Variants in MOCS3 observed in about 807,000 individuals in gnomAD.
MOCS3 encodes the protein molybdenum cofactor synthesis 3, also known as adenylyltransferase and sulfurtransferase MOCS3.
Under a neutral mutation model 8.4 loss-of-function variants are expected in MOCS3, and 9 were observed. The ratio of observed to expected loss-of-function variants is 1.07; its 90% CI spans 0.65 to 1.87. The LOEUF is 1.87. Among genes scored for constraint, MOCS3 ranks in the 40% most tolerant of loss-of-function variants. MOCS3 has a pLI of 0.00. For synonymous variants in MOCS3, 294 were observed against 272.0 expected, an observed-to-expected ratio of 1.08 and a Z score of -0.80; for missense variants, 581 against 599.7, an observed-to-expected ratio of 0.97 and a Z score of 0.33.
In MOCS3 at chr20:50,958,891, C is replaced by G; in HGVS notation, c.49C>G (p.Arg17Gly). ...VLALQAEVAQ[R>G]EEELNSLKQK... ...CGCCTTACAAGCTGAAGTTGCCCAA[C>G]GTGAGGAGGAATTGAATTCGCTGAA... The change falls in exon 1 of 1, where the codon CGT becomes GGT. Residue 17 changes from arginine (R) to glycine (G), a missense_variant. By Grantham distance (125) the Arg-to-Gly change is moderately radical. Coordinates refer to ENST00000244051, the MANE Select transcript of MOCS3 (RefSeq NM_014484.5). 6.2e-7 allele frequency: 1 copy of G among 1,603,502 alleles called. No individual in the cohort carries two copies. The highest frequency in any genetic ancestry group is 8.5e-7 in the Non-Finnish European group (1 of 1,172,010).
chr20:50,962,749 C>G lies in MOCS3; in HGVS notation c.*2524C>G, dbSNP rs1021070543. On this transcript the variant is annotated 3_prime_UTR_variant, in exon 1 of 1. Coordinates refer to ENST00000244051, the MANE Select transcript of MOCS3 (RefSeq NM_014484.5). ...ATTTTTAGTAGCGATGGGGTTTCGCCATGTTGGCCTGGCTGGTCTTGAACT... is the reference window on the plus strand; with the variant it reads ...ATTTTTAGTAGCGATGGGGTTTCGCGATGTTGGCCTGGCTGGTCTTGAACT... The G allele has an allele frequency of 1.3e-5, 2 of 152,192 alleles. No homozygotes were observed. Among genetic ancestry groups the G allele is most frequent in the African/African-American group, 4.8e-5 (2 of 41,410 alleles). 9.4% of individuals were successfully genotyped at this position (152,192 alleles called of 1,614,324 possible).
At position 50,960,433 on chromosome 20, in the gene MOCS3, AT is replaced by A. The variant is rs1002858716; in HGVS notation, c.*218del. ...GATTATACCGTTTCTGAGAACCATCATTTTTTTTTTCAGCACACGGAGGATG... is the reference window on the plus strand; with the variant it reads ...GATTATACCGTTTCTGAGAACCATCATTTTTTTTTCAGCACACGGAGGATG... On this transcript the variant is annotated 3_prime_UTR_variant, in exon 1 of 1. Transcript: ENST00000244051. 734 of 452,372 alleles carry A rather than the reference AT, an allele frequency of 1.6e-3. No individual in the cohort carries two copies. Among genetic ancestry groups the A allele is most frequent in the Middle Eastern group, 4.2e-3 (7 of 1,656 alleles). 28.0% of individuals were successfully genotyped at this position (452,372 alleles called of 1,614,324 possible). A position where few individuals can be genotyped will look rare whatever the true frequency, so the allele number is the denominator to read the frequency against.
rs758083134 is a variant in MOCS3, at chr20:50,958,856, A to G, written c.14A>G (p.Glu5Gly). ...GAAGAGGTCGCCATGGCTTCCCGGG[A>G]GGAGGTACTCGCCTTACAAGCTGAA... MASR[E>G]EVLALQAEVA... The change falls in exon 1 of 1, where the codon GAG becomes GGG. Residue 5 changes from glutamate (E) to glycine (G), a missense_variant. Glu to Gly is a moderately conservative substitution (Grantham distance 98). Transcript: ENST00000244051. The G allele has an allele frequency of 3.8e-6, 6 of 1,590,592 alleles. No individual in the cohort carries two copies. Among genetic ancestry groups the G allele is most frequent in the Admixed American group, 3.4e-5 (2 of 58,384 alleles).
chr20:50,959,996 G>T lies in MOCS3; in HGVS notation c.1154G>T (p.Ser385Ile), dbSNP rs1408147009. ...CATTTGGAACGCAGGGATGCGGAGA[G>T]CCTGAAACTCTTAAAAGAAGCAATC... ...LKHLERRDAE[S>I]LKLLKEAIWE... Residue 385 changes from serine to isoleucine, a missense_variant, in exon 1 of 1, where the codon AGC becomes ATC. Physicochemically the swap from Ser to Ile is moderately radical, Grantham distance 142. Coordinates refer to ENST00000244051, the MANE Select transcript of MOCS3 (RefSeq NM_014484.5). 6.2e-7 allele frequency: 1 copy of T among 1,614,278 alleles called. No homozygotes were observed. Among genetic ancestry groups the T allele is most frequent in the South Asian group, 1.1e-5 (1 of 91,086 alleles).
Position 50,961,755 on chromosome 20 carries a change from C to T in MOCS3, c.*1530C>T, listed in dbSNP as rs879340408. 6.6e-6 allele frequency: 1 copy of T among 152,132 alleles called. No individual in the cohort carries two copies. The highest frequency in any genetic ancestry group is 1.5e-5 in the Non-Finnish European group (1 of 68,026). The allele number at this position is 152,132 out of a possible 1,614,324, so 9.4% of individuals were successfully genotyped here. ...GTAACTAATTCTTTGAACAGGTATA[C>T]TTAAAGTATGGTATACCCTTCTGTT... On this transcript the variant is annotated 3_prime_UTR_variant, in exon 1 of 1. Transcript: ENST00000244051.
chr20:50,959,648 CCT>C lies in MOCS3; in HGVS notation c.809_810del (p.Ser270LeufsTer9), dbSNP rs754036949. ...CTGAAAATCGCTGCGGGTCTGGGCC[CCT>C]CTTACAGTGGCAGCTTGTTGCTCTT... On this transcript the variant is annotated frameshift_variant, in exon 1 of 1. Transcript: ENST00000244051. LOFTEE classifies it low-confidence loss of function (END_TRUNC). The C allele has an allele frequency of 1.1e-5, 17 of 1,614,234 alleles. No individual in the cohort carries two copies. Among genetic ancestry groups the C allele is most frequent in the Non-Finnish European group, 1.4e-5 (17 of 1,180,040 alleles).
chr20:50,959,720 G>T lies in MOCS3; in HGVS notation c.878G>T (p.Arg293Leu), dbSNP rs1218235947. ...GHFRSIRLRS[R>L]RLDCAACGER... is the part of the protein sequence containing the mutation. ...TTCCGCTCTATTCGGCTGCGGAGCCGCAGGCTCGACTGTGCAGCTTGCGGG... is the reference window on the plus strand; with the variant it reads ...TTCCGCTCTATTCGGCTGCGGAGCCTCAGGCTCGACTGTGCAGCTTGCGGG... The change falls in exon 1 of 1, where the codon CGC becomes CTC. Residue 293 changes from arginine to leucine, a missense_variant. Coordinates refer to ENST00000244051, the MANE Select transcript of MOCS3 (RefSeq NM_014484.5). The T allele has an allele frequency of 5.6e-6, 9 of 1,614,226 alleles. No homozygotes were observed. Among genetic ancestry groups the T allele is most frequent in the Non-Finnish European group, 7.6e-6 (9 of 1,180,038 alleles).
rs1415010040 is a variant in MOCS3 at position 50,960,481 on chromosome 20, C to G, written c.*256C>G. 2.7e-6 allele frequency: 1 copy of G among 371,198 alleles called. No individual in the cohort carries two copies. The highest frequency in any genetic ancestry group is 7.6e-5 in the South Asian group (1 of 13,238). 23.0% of individuals were successfully genotyped at this position (371,198 alleles called of 1,614,324 possible). ...GATGTCTTGGACATGTGAGATGTAA[C>G]GTGACAGGATTTTGCATTTTAAACT... is the stretch of plus-strand genomic sequence containing the variant. On this transcript the variant is annotated 3_prime_UTR_variant, in exon 1 of 1. Transcript: ENST00000244051.
At position 50,959,466 on chromosome 20, in the gene MOCS3, C is replaced by G. The variant is rs2123159676; in HGVS notation, c.624C>G (p.Phe208Leu). The G allele has an allele frequency of 6.2e-7, 1 of 1,614,054 alleles. No individual in the cohort carries two copies. The highest frequency in any genetic ancestry group is 2.2e-5 in the East Asian group (1 of 44,884). ...TCGTGTCTGCCAGTGCCTTGCGCTT[C>G]GAGGGCCAAATCACAGTCTACCATT... ...RPLVSASALR[F>L]EGQITVYHYD... The change falls in exon 1 of 1, where the codon TTC (phenylalanine) becomes TTG (leucine). Residue 208 changes from phenylalanine to leucine, a missense_variant. Coordinates refer to ENST00000244051, the MANE Select transcript of MOCS3 (RefSeq NM_014484.5).
chr20:50,959,870 G>T lies in MOCS3; in HGVS notation c.1028G>T (p.Arg343Leu). 1 of 1,614,166 alleles carries T rather than the reference G, an allele frequency of 6.2e-7. No homozygotes were observed. Among genetic ancestry groups the T allele is most frequent in the Non-Finnish European group, 8.5e-7 (1 of 1,179,998 alleles). Residue 343 changes from arginine (R) to leucine (L), a missense_variant, in exon 1 of 1, where the codon CGA (arginine) becomes CTA (leucine). Coordinates refer to ENST00000244051, the MANE Select transcript of MOCS3 (RefSeq NM_014484.5). ...CGTGTTTCTGTCACCGACTATAAGC[G>T]ACTGCTGGATTCTGGGGCATTCCAC... ...EERVSVTDYK[R>L]LLDSGAFHLL...
chr20:50,959,635 G>A lies in MOCS3; in HGVS notation c.793G>A (p.Ala265Thr), dbSNP rs1464609463. 6.2e-6 allele frequency: 10 copies of A among 1,614,082 alleles called. No homozygotes were observed. Among genetic ancestry groups the A allele is most frequent in the Non-Finnish European group, 8.5e-6 (10 of 1,180,042 alleles). ...LQALEVLKIA[A>T]GLGPSYSGSL... is the part of the protein sequence containing the mutation. ...GGCCTTGGAAGTGCTGAAAATCGCTGCGGGTCTGGGCCCCTCTTACAGTGG... is the reference window on the plus strand; with the variant it reads ...GGCCTTGGAAGTGCTGAAAATCGCTACGGGTCTGGGCCCCTCTTACAGTGG... Residue 265 changes from alanine to threonine, a missense_variant, in exon 1 of 1, where the codon GCG becomes ACG. By Grantham distance (58) the Ala-to-Thr change is moderately conservative. Transcript: ENST00000244051.
In MOCS3 at chr20:50,959,187, C is replaced by T. The variant is rs146826480; in HGVS notation, c.345C>T (p.Asp115=). ...GVGRLGLVDY[D]VVEMSNLARQ... Reference sequence around the variant, plus strand: ...GCCGCCTTGGCCTTGTGGACTATGACGTGGTAGAGATGAGCAACCTGGCCC... The same window carrying T: ...GCCGCCTTGGCCTTGTGGACTATGATGTGGTAGAGATGAGCAACCTGGCCC... The change falls in exon 1 of 1, where the codon GAC becomes GAT. Residue 115 remains aspartate, a synonymous_variant. Coordinates refer to ENST00000244051, the MANE Select transcript of MOCS3 (RefSeq NM_014484.5). The T allele has an allele frequency of 8.9e-5, 143 of 1,612,622 alleles. No homozygotes were observed. In the African/African-American group the frequency reaches 1.6e-3, roughly 18 times the overall value.
chr20:50,958,867 G>T lies in MOCS3; in HGVS notation c.25G>T (p.Ala9Ser), dbSNP rs571564394. The change falls in exon 1 of 1, where the codon GCC becomes TCC. Residue 9 changes from alanine (A) to serine (S), a missense_variant. Physicochemically the swap from Ala to Ser is moderately conservative, Grantham distance 99. Coordinates refer to ENST00000244051, the MANE Select transcript of MOCS3 (RefSeq NM_014484.5). MASREEVL[A>S]LQAEVAQREE... ...CATGGCTTCCCGGGAGGAGGTACTC[G>T]CCTTACAAGCTGAAGTTGCCCAACG... is the stretch of plus-strand genomic sequence containing the variant. The T allele has an allele frequency of 1.9e-6, 3 of 1,595,922 alleles. No individual in the cohort carries two copies. Among genetic ancestry groups the T allele is most frequent in the East Asian group, 4.5e-5 (2 of 44,380 alleles).
chr20:50,962,908 G>A lies in MOCS3; in HGVS notation c.*2683G>A, dbSNP rs1249284159. ...GATTGTAGCTAGGTTTTTATGGTGA[G>A]ATAGGATTTGAACATAATTTGTTTT... On this transcript the variant is annotated 3_prime_UTR_variant, in exon 1 of 1. Coordinates refer to ENST00000244051, the MANE Select transcript of MOCS3 (RefSeq NM_014484.5). 2.0e-5 allele frequency: 3 copies of A among 152,176 alleles called. No homozygotes were observed. Among genetic ancestry groups the A allele is most frequent in the Non-Finnish European group, 4.4e-5 (3 of 68,050 alleles). 9.4% of individuals were successfully genotyped at this position (152,176 alleles called of 1,614,324 possible). A position where few individuals can be genotyped will look rare whatever the true frequency, so the allele number is the denominator to read the frequency against.
At position 50,959,333 on chromosome 20, in the gene MOCS3, C is replaced by T. The variant is rs1380980987; in HGVS notation, c.491C>T (p.Ala164Val). Reference protein sequence around the residue: ...CVPYTQALTPATALDLVRRYD... With the variant: ...CVPYTQALTPVTALDLVRRYD... ...CCGTACACTCAGGCCCTTACGCCAG[C>T]CACTGCCCTAGACCTGGTCCGCCGA... The change falls in exon 1 of 1, where the codon GCC (alanine) becomes GTC (valine). Residue 164 changes from alanine (A) to valine (V), a missense_variant. Ala to Val is a moderately conservative substitution (Grantham distance 64). Coordinates refer to ENST00000244051, the MANE Select transcript of MOCS3 (RefSeq NM_014484.5). 1 of 1,610,206 alleles carries T rather than the reference C, an allele frequency of 6.2e-7. No homozygotes were observed. Among genetic ancestry groups the T allele is most frequent in the South Asian group, 1.1e-5 (1 of 91,032 alleles).
chr20:50,959,728 G>T lies in MOCS3; in HGVS notation c.886G>T (p.Asp296Tyr), dbSNP rs763037031. The T allele has an allele frequency of 3.2e-5, 52 of 1,614,236 alleles. No individual in the cohort carries two copies. The Middle Eastern group carries it at 9.9e-4, about 31-fold the overall frequency. The change falls in exon 1 of 1, where the codon GAC becomes TAC. Residue 296 changes from aspartate (D) to tyrosine (Y), a missense_variant. Asp to Tyr is a radical substitution (Grantham distance 160). Coordinates refer to ENST00000244051, the MANE Select transcript of MOCS3 (RefSeq NM_014484.5). ...RSIRLRSRRL[D>Y]CAACGERPTV... ...TATTCGGCTGCGGAGCCGCAGGCTCGACTGTGCAGCTTGCGGGGAACGGCC... is the reference window on the plus strand; with the variant it reads ...TATTCGGCTGCGGAGCCGCAGGCTCTACTGTGCAGCTTGCGGGGAACGGCC...
chr20:50,958,889 A>G lies in MOCS3; in HGVS notation c.47A>G (p.Gln16Arg), dbSNP rs982682116. Residue 16 changes from glutamine (Q) to arginine (R), a missense_variant, in exon 1 of 1, where the codon CAA (glutamine) becomes CGA (arginine). Coordinates refer to ENST00000244051, the MANE Select transcript of MOCS3 (RefSeq NM_014484.5). The part of the protein sequence containing the change: ...EVLALQAEVA[Q>R]REEELNSLKQ... ...CTCGCCTTACAAGCTGAAGTTGCCC[A>G]ACGTGAGGAGGAATTGAATTCGCTG... The G allele has an allele frequency of 1.2e-5, 20 of 1,602,330 alleles. No individual in the cohort carries two copies. Among genetic ancestry groups the G allele is most frequent in the Middle Eastern group, 1.6e-4 (1 of 6,064 alleles).
At position 50,959,304 on chromosome 20, in the gene MOCS3, C is replaced by T. The variant is rs1230219628; in HGVS notation, c.462C>T (p.Cys154=). The part of the protein sequence containing the change: ...SLRRLNSAVE[C]VPYTQALTPA... Reference sequence around the variant, plus strand: ...GCCGCCTCAATTCGGCAGTGGAATGCGTGCCGTACACTCAGGCCCTTACGC... The same window carrying T: ...GCCGCCTCAATTCGGCAGTGGAATGTGTGCCGTACACTCAGGCCCTTACGC... The change falls in exon 1 of 1, where the codon TGC becomes TGT. Residue 154 remains cysteine (C), a synonymous_variant. Coordinates refer to ENST00000244051, the MANE Select transcript of MOCS3 (RefSeq NM_014484.5). 1 of 1,610,314 alleles carries T rather than the reference C, an allele frequency of 6.2e-7. No homozygotes were observed. The highest frequency in any genetic ancestry group is 8.5e-7 in the Non-Finnish European group (1 of 1,179,392).
chr20:50,960,280 T>C lies in MOCS3; in HGVS notation c.*55T>C, dbSNP rs1987073696. On this transcript the variant is annotated 3_prime_UTR_variant, in exon 1 of 1. Transcript: ENST00000244051. Reference sequence around the variant, plus strand: ...GTGGATTGCCATAATACCTCAAAGATACACTTGTTTGCATTTTTCGGTAAT... The same window carrying C: ...GTGGATTGCCATAATACCTCAAAGACACACTTGTTTGCATTTTTCGGTAAT... 2 of 1,514,694 alleles carry C rather than the reference T, an allele frequency of 1.3e-6. No individual in the cohort carries two copies. The highest frequency in any genetic ancestry group is 1.3e-5 in the South Asian group (1 of 76,818). The allele number at this position is 1,514,694 out of a possible 1,614,324, so 93.8% of individuals were successfully genotyped here.
Sources: allele counts gnomAD v4.1 joint callset, GRCh38; gene constraint gnomAD v4.1.1; transcripts MANE v1.5; gene names NCBI Gene and HGNC (gene_info 2026-07-23, HGNC 2026-07-21).